DPYD: variants seen among roughly 807,000 people sequenced by gnomAD.
DPYD encodes the protein dihydropyrimidine dehydrogenase.
Under a neutral mutation model 116.2 loss-of-function variants are expected in DPYD, and 109 were observed. The observed-to-expected ratio is 0.94, with a 90% CI of 0.80 to 1.10. The LOEUF is 1.10. Among genes scored for constraint, DPYD ranks in the 50% least tolerant of loss-of-function variants. DPYD has a pLI of 0.00. For synonymous variants in DPYD, 440 were observed against 432.0 expected (o/e 1.02, Z -0.23); for missense variants, 1,302 against 1,254.5 (o/e 1.04, Z -0.57).
At chr1:97,082,922 T>G (rs1160439008) in intron 21 of DPYD, among the ~76,000 whole-genome samples, 2 of 152,156 alleles carry the variant, frequency 1.3e-5, no homozygotes, top group African/African-American at 4.8e-5. Context: ...ATGCATTTAT[T>G]TCACTGCATG....
intron 16 of DPYD, among the ~76,000 whole-genome samples, chr1:97,338,846 C>A (rs1475109535): frequency 6.6e-6 from 1 of 151,928 alleles, no homozygotes; most frequent in Non-Finnish European, 1.5e-5. Flanking sequence ...ACAAGGAAGT[C>A]AAAGAAAAAT....
chr1:97,697,894 A>C (rs888677612), intron 6 of DPYD, among the ~76,000 whole-genome samples: 25 of 152,006 alleles, frequency 1.6e-4, no homozygotes, highest in African/African-American at 5.8e-4. Context: ...GATTTTTCCT[A>C]GTTTACCAGG....
At chr1:97,638,910 A>G (rs556713049) in intron 8 of DPYD, among the ~76,000 whole-genome samples, 5 of 152,284 alleles carry the variant, frequency 3.3e-5, no homozygotes, top group African/African-American at 1.2e-4. Flanking sequence ...TCTAACAATG[A>G]GGACCACATT....
intron 8 of DPYD, among the ~76,000 whole-genome samples, chr1:97,666,708 G>C (rs1174524067): frequency 6.6e-6 from 1 of 152,070 alleles, no homozygotes; most frequent in East Asian, 1.9e-4. Flanking sequence ...GAGAAGCAAG[G>C]TTGGTTTCTC....
chr1:97,387,507 C>G (rs575603919), intron 14 of DPYD, among the ~76,000 whole-genome samples: 1 of 152,126 alleles, frequency 6.6e-6, no homozygotes, highest in South Asian at 2.1e-4. Context: ...TTAATTGGAC[C>G]ATTTCCAGTT....
At chr1:97,727,903 A>G (rs892812721) in intron 4 of DPYD, among the ~76,000 whole-genome samples, 19 of 151,852 alleles carry the variant, frequency 1.3e-4, no homozygotes, top group Admixed American at 6.6e-5. Context: ...TGAGCTCTTC[A>G]TTCTTTTTAA....
chr1:97,578,087 C>T (rs1035806175), intron 10 of DPYD, among the ~76,000 whole-genome samples: 1 of 152,014 alleles, frequency 6.6e-6, no homozygotes, highest in African/African-American at 2.4e-5. Flanking sequence ...CTCAAGTGTT[C>T]CGCCCACCTC....
chr1:97,550,594 T>C (rs1377945662), intron 11 of DPYD, among the ~76,000 whole-genome samples: 1 of 152,126 alleles, frequency 6.6e-6, no homozygotes, highest in Non-Finnish European at 1.5e-5. Context: ...AACACCCTAT[T>C]TGATGGAGTA....
intron 14 of DPYD, among the ~76,000 whole-genome samples, chr1:97,404,087 A>C (rs538205367): frequency 6.6e-6 from 1 of 151,970 alleles, no homozygotes; most frequent in South Asian, 2.1e-4. Flanking sequence ...ATCTCTGTAT[A>C]TTTTGGGATT....
At chr1:97,278,155 A>T (rs1418692108) in intron 18 of DPYD, among the ~76,000 whole-genome samples, 1 of 152,188 alleles carries the variant, frequency 6.6e-6, no homozygotes, top group Non-Finnish European at 1.5e-5. Context: ...TCTTGATTGC[A>T]GCTTAATATT....
intron 14 of DPYD, among the ~76,000 whole-genome samples, chr1:97,389,064 C>T (rs1672521038): frequency 6.6e-6 from 1 of 151,790 alleles, no homozygotes; most frequent in Non-Finnish European, 1.5e-5. Flanking sequence ...TCTTTATGAA[C>T]TAGGGTGTAA....
chr1:97,571,690 G>A (rs540754970), intron 11 of DPYD, among the ~76,000 whole-genome samples: 1 of 151,880 alleles, frequency 6.6e-6, no homozygotes, highest in East Asian at 1.9e-4. Context: ...TGGTAGAAGA[G>A]GATTAACATG....
intron 13 of DPYD, among the ~76,000 whole-genome samples, chr1:97,488,551 T>C (rs1678783690): frequency 6.6e-6 from 1 of 152,166 alleles, no homozygotes; most frequent in African/African-American, 2.4e-5. Context: ...ACTGTGAACC[T>C]ACAAGTGCTA....
At chr1:97,864,435 G>T (rs1671271665) in intron 2 of DPYD, among the ~76,000 whole-genome samples, 1 of 151,870 alleles carries the variant, frequency 6.6e-6, no homozygotes, top group Admixed American at 6.6e-5. Flanking sequence ...TCAAAGAGAT[G>T]ACTCTAGGCC....
intron 8 of DPYD, among the ~76,000 whole-genome samples, chr1:97,621,719 C>T (rs1394605184): frequency 2.0e-5 from 3 of 151,928 alleles, no homozygotes; most frequent in African/African-American, 7.3e-5. Flanking sequence ...ATCAGGGCCC[C>T]CTTGGAGAAA....
Position 97,811,650 on chromosome 1 carries a change from T to TTTTACA in DPYD, c.233+16463_233+16464insTGTAAA, listed in dbSNP as rs1487593194. Among the ~76,000 whole-genome samples, 5 of 152,254 alleles carry TTTTACA rather than the reference T, an allele frequency of 3.3e-5. No homozygotes were observed. The East Asian group carries it at 7.7e-4, about 23-fold the overall frequency. ...AAACTTCAGTTTTACAATCAATCAG[T>TTTTACA]ATTCTTAATTCCATCTTAATACACA... is the stretch of plus-strand genomic sequence containing the variant. On this transcript the variant is annotated intron_variant, in intron 3 of 22. Coordinates refer to ENST00000370192, the MANE Select transcript of DPYD (RefSeq NM_000110.4).
intron 13 of DPYD, among the ~76,000 whole-genome samples, chr1:97,453,703 A>G (rs1046537121): frequency 2.1e-4 from 32 of 152,054 alleles, no homozygotes; most frequent in Non-Finnish European, 4.4e-5. Context: ...TCTACCTTTA[A>G]GAATTTTTTC....
chr1:97,355,571 T>G (rs1049507804), intron 16 of DPYD, among the ~76,000 whole-genome samples: 1 of 152,162 alleles, frequency 6.6e-6, no homozygotes, highest in African/African-American at 2.4e-5. Context: ...GACCATCTTC[T>G]CCCTATTCTC....
intron 20 of DPYD, among the ~76,000 whole-genome samples, chr1:97,113,821 T>C (rs1467430266): frequency 6.6e-6 from 1 of 152,108 alleles, no homozygotes; most frequent in African/African-American, 2.4e-5. Flanking sequence ...TACTAAAACT[T>C]TTTCACATTC....
Sources: allele counts gnomAD v4.1 joint callset (sites outside exome capture counted in the v4.1 genomes callset), GRCh38; gene constraint gnomAD v4.1.1; transcripts MANE v1.5; gene names NCBI Gene and HGNC (gene_info 2026-07-23, HGNC 2026-07-21).